The following RAP1GAP2 variants were observed in gnomAD, a reference collection of about 807,000 sequenced individuals.
RAP1GAP2 encodes RAP1 GTPase activating protein 2, also known as rap1 GTPase-activating protein 2.
In RAP1GAP2, 27 loss-of-function variants were observed where a neutral mutation model predicts 95.0. The ratio of observed to expected loss-of-function variants is 0.28; its 90% CI spans 0.21 to 0.39. The LOEUF (loss-of-function observed/expected upper bound fraction) is 0.39, where lower values mean the gene tolerates loss of function less well. Ranked by LOEUF, RAP1GAP2 falls within the 10% of genes least tolerant of loss-of-function variation. The pLI is 1.00. For missense variants in RAP1GAP2, 771 were observed against 970.0 expected (o/e 0.79, Z 2.72); for synonymous variants, 373 against 380.9 (o/e 0.98, Z 0.24).
chr17:2,859,112 T>TG, intron 2 of RAP1GAP2, among the ~76,000 whole-genome samples: 1 of 148,028 alleles, frequency 6.8e-6, no homozygotes, highest in East Asian at 2.0e-4. Flanking sequence ...CCAACTCTTT[T>TG]TTTTTTTTTT....
At chr17:2,854,595 C>G (rs552293827) in intron 2 of RAP1GAP2, among the ~76,000 whole-genome samples, 4 of 152,268 alleles carry the variant, frequency 2.6e-5, no homozygotes, top group Non-Finnish European at 2.9e-5. Context: ...TCTCGCCCCA[C>G]CGCCATAGGG....
At chr17:2,774,356 T>C (rs571119502), upstream of RAP1GAP2, among the ~76,000 whole-genome samples, 51 of 152,274 alleles carry the variant, frequency 3.3e-4, no homozygotes, top group African/African-American at 1.2e-3. Flanking sequence ...ATGGATTGAA[T>C]GCCGTTCCTC....
rs1427888425 is a variant in RAP1GAP2, at chr17:2,825,751, C to T, written c.80+25201C>T. Among the ~76,000 whole-genome samples the T allele has an allele frequency of 1.3e-5, 2 of 152,064 alleles. No individual in the cohort carries two copies. The highest frequency in any genetic ancestry group is 4.8e-5 in the African/African-American group (2 of 41,414). ...ACTGCAGCTGTTACTGAAGACAGAG[C>T]GTTTAGGTGTGAAGAGGGTCTGGTG... On this transcript the variant is annotated intron_variant, in intron 2 of 24. Coordinates refer to ENST00000254695, the MANE Select transcript of RAP1GAP2 (RefSeq NM_015085.5). The surrounding 1 kb of genome is among the most constrained non-coding windows in gnomAD (Gnocchi z 4.1).
At chr17:2,868,562 G>A (rs548174683) in intron 2 of RAP1GAP2, among the ~76,000 whole-genome samples, 1 of 144,636 alleles carries the variant, frequency 6.9e-6, no homozygotes, top group Non-Finnish European at 1.5e-5. Flanking sequence ...CTGTCACCCA[G>A]GCTGGAGTGC....
At chr17:3,006,438 CTT>C (rs796860030) in intron 16 of RAP1GAP2, among the ~76,000 whole-genome samples, 5 of 125,506 alleles carry the variant, frequency 4.0e-5, no homozygotes, top group Admixed American at 8.2e-5. Flanking sequence ...CCAATCAGTC[CTT>C]TTTTTTTTTT....
At chr17:2,806,373 C>A (rs553770732) in intron 2 of RAP1GAP2, among the ~76,000 whole-genome samples, 2 of 79,226 alleles carry the variant, frequency 2.5e-5, no homozygotes, top group African/African-American at 1.3e-4. Flanking sequence ...CTGCTACAAC[C>A]TTTTTATTAT....
At chr17:2,761,289 CTTTT>C (rs1002992848) in intron 1 of RAP1GAP2, among the ~76,000 whole-genome samples, 1 of 106,330 alleles carries the variant, frequency 9.4e-6, no homozygotes. Flanking sequence ...GGTCTTTTTT[CTTTT>C]TTTTTTTTTT....
chr17:2,803,301 G>A (rs1197872931), intron 2 of RAP1GAP2, among the ~76,000 whole-genome samples: 1 of 152,082 alleles, frequency 6.6e-6, no homozygotes, highest in Non-Finnish European at 1.5e-5. Context: ...GAGTTTTATT[G>A]GTTAAGATTC....
intron 2 of RAP1GAP2, among the ~76,000 whole-genome samples, chr17:2,895,110 CA>C (rs1280437125): frequency 6.6e-6 from 1 of 152,230 alleles, no homozygotes; most frequent in Non-Finnish European, 1.5e-5. Flanking sequence ...TCAGGTGTTA[CA>C]ACTTCAGTGG....
chr17:2,810,031 C>T (rs868438944), intron 2 of RAP1GAP2, among the ~76,000 whole-genome samples: 16 of 148,510 alleles, frequency 1.1e-4, no homozygotes, highest in Middle Eastern at 3.4e-3. Flanking sequence ...CCCCTCCCCC[C>T]GCCCCACCCC....
At chr17:2,830,223 C>A (rs899163797) in intron 2 of RAP1GAP2, among the ~76,000 whole-genome samples, 20 of 151,424 alleles carry the variant, frequency 1.3e-4, no homozygotes, top group Non-Finnish European at 2.8e-4. Context: ...ACCAGCCTGG[C>A]CAACATGGTG....
chr17:2,828,614 C>T (rs1379344663), intron 2 of RAP1GAP2, among the ~76,000 whole-genome samples: 3 of 152,084 alleles, frequency 2.0e-5, no homozygotes, highest in Non-Finnish European at 4.4e-5. Flanking sequence ...CAGCAGGTGG[C>T]ACTGTTGGCC....
chr17:2,806,376 TTTATTATTA>T (rs4060867), intron 2 of RAP1GAP2, among the ~76,000 whole-genome samples: 15 of 139,950 alleles, frequency 1.1e-4, no homozygotes, highest in East Asian at 4.2e-4. Flanking sequence ...CTACAACCTT[TTTATTATTA>T]TTATTATTAT....
upstream of RAP1GAP2, among the ~76,000 whole-genome samples, chr17:2,791,869 T>G (rs2068934651): frequency 6.7e-6 from 1 of 149,520 alleles, no homozygotes. Flanking sequence ...TTTTTTTTTT[T>G]TTTTTTTTGA....
upstream of RAP1GAP2, among the ~76,000 whole-genome samples, chr17:2,772,110 C>T (rs960457602): frequency 1.3e-5 from 2 of 152,068 alleles, no homozygotes; most frequent in African/African-American, 2.4e-5. Flanking sequence ...CTCCCTCAGC[C>T]TCTTGAGTAG....
rs183495756 is a variant in RAP1GAP2, at chr17:2,921,461, C to A, written c.165+16093C>A. ...CAGGTGATCCACCCGCCTCAGCCCC[C>A]CAAAGTCCTGGGATTACAGGCATGA... On this transcript the variant is annotated intron_variant, in intron 3 of 24. Coordinates refer to ENST00000254695, the MANE Select transcript of RAP1GAP2 (RefSeq NM_015085.5). 6.6e-5 allele frequency among the ~76,000 whole-genome samples: 10 copies of A among 152,330 alleles called. No homozygotes were observed. In the East Asian group the frequency reaches 1.7e-3, roughly 26 times the overall value.
At chr17:3,020,684 A>T in intron 19 of RAP1GAP2, 89 bp downstream of exon 19, 1 of 1,187,324 alleles carries the variant, frequency 8.4e-7, no homozygotes, top group East Asian at 2.5e-5. Context: ...CCTACCTTGC[A>T]GGGAGGAGCT....
chr17:2,885,207 T>G (rs1421103182), intron 2 of RAP1GAP2, among the ~76,000 whole-genome samples: 1 of 152,000 alleles, frequency 6.6e-6, no homozygotes, highest in African/African-American at 2.4e-5. Context: ...TAATTTTTTG[T>G]ATTTCTGGTA....
chr17:2,770,092 A>AAAAG (rs2068360240), intron 1 of RAP1GAP2, among the ~76,000 whole-genome samples: 1 of 150,364 alleles, frequency 6.7e-6, no homozygotes, highest in East Asian at 1.9e-4. Context: ...AAAAAAAAAA[A>AAAAG]AAGAAGAAGA....
Sources: allele counts gnomAD v4.1 joint callset (sites outside exome capture counted in the v4.1 genomes callset), GRCh38; gene constraint gnomAD v4.1.1; non-coding constraint Gnocchi (gnomAD v3.1); transcripts MANE v1.5; gene names NCBI Gene and HGNC (gene_info 2026-07-23, HGNC 2026-07-21).